The following FMO1 variants were observed in gnomAD, a reference collection of about 807,000 sequenced individuals.
FMO1 encodes flavin containing dimethylaniline monoxygenase 1.
Under a neutral mutation model 45.4 loss-of-function variants are expected in FMO1, and 36 were observed. That is an observed-to-expected ratio of 0.79 (90% CI 0.61 to 1.05). The LOEUF (loss-of-function observed/expected upper bound fraction) is 1.05, where lower values mean the gene tolerates loss of function less well. FMO1 is among the 50% of genes least tolerant of loss of function. FMO1 has a pLI of 0.00. For synonymous variants in FMO1, 228 were observed against 227.2 expected (o/e 1.00, Z -0.03); for missense variants, 615 against 640.3 (o/e 0.96, Z 0.43).
chr1:171,258,263 C>G (rs757096882), intron 2 of FMO1, 44 bp downstream of exon 2: 1 of 1,598,100 alleles, frequency 6.3e-7, no homozygotes. Context: ...TGGAGAATGG[C>G]TTGGCAGCTG....
chr1:171,283,860 GT>G (rs1661500151), intron 8 of FMO1, among the ~76,000 whole-genome samples: 1 of 152,184 alleles, frequency 6.6e-6, no homozygotes, highest in Non-Finnish European at 1.5e-5. Flanking sequence ...TTGTTTAGCA[GT>G]TGAGATAGAA....
At chr1:171,269,842 A>G (rs1044740137) in intron 3 of FMO1, among the ~76,000 whole-genome samples, 9 of 152,216 alleles carry the variant, frequency 5.9e-5, no homozygotes, top group African/African-American at 1.9e-4. Context: ...ATATAGGAAA[A>G]TATACGCTAT....
At position 171,278,727 on chromosome 1, in the gene FMO1, A is replaced by G; in HGVS notation, c.485-2A>G. 1 of 1,567,304 alleles carries G rather than the reference A, an allele frequency of 6.4e-7. No homozygotes were observed. Among genetic ancestry groups the G allele is most frequent in the Non-Finnish European group, 8.7e-7 (1 of 1,150,612 alleles). The stretch of plus-strand genomic sequence containing the variant: ...GTGTGACTTCTCTTTTATTTTCTAT[A>G]GGTATTAATGCCTTTAAAGGCCAGT... On this transcript the variant is annotated splice_acceptor_variant, in intron 4 of 8. Coordinates refer to ENST00000617670, the MANE Select transcript of FMO1 (RefSeq NM_001282693.2). LOFTEE classifies it high-confidence loss of function.
At chr1:171,285,101 A>G (rs925969449) in intron 8 of FMO1, 101 bp from the exon 9 acceptor site, 1 of 746,452 alleles carries the variant, frequency 1.3e-6, no homozygotes, top group African/African-American at 1.8e-5. Flanking sequence ...AAACCATCCC[A>G]AATTCTGCAG....
chr1:171,257,923 A>C (rs191198839), intron 1 of FMO1, 159 bp from the exon 2 acceptor site: 1 of 753,726 alleles, frequency 1.3e-6, no homozygotes, highest in Non-Finnish European at 2.1e-6. Context: ...AGTGACCTGA[A>C]CATTTTCCTT....
intron 2 of FMO1, among the ~76,000 whole-genome samples, chr1:171,260,815 A>G (rs1293065541): frequency 6.7e-6 from 1 of 149,472 alleles, no homozygotes; most frequent in Non-Finnish European, 1.5e-5. Flanking sequence ...CTGTAATCCC[A>G]GCTACTCAGG....
At chr1:171,274,183 A>G (rs1012967916) in intron 3 of FMO1, among the ~76,000 whole-genome samples, 1 of 149,856 alleles carries the variant, frequency 6.7e-6, no homozygotes, top group South Asian at 2.1e-4. Flanking sequence ...ACAAATAGCT[A>G]TTACTCAGCT....
At chr1:171,282,832 AC>A in intron 7 of FMO1, 1 of 298,182 alleles carries the variant, frequency 3.4e-6, no homozygotes, top group African/African-American at 2.2e-5. Context: ...CTGTCAGTTG[AC>A]TGAATCAACT....
intron 5 of FMO1, among the ~76,000 whole-genome samples, 162 bp downstream of exon 5, chr1:171,279,033 C>A (rs1661242938): frequency 6.6e-6 from 1 of 151,450 alleles, no homozygotes; most frequent in Non-Finnish European, 1.5e-5. Context: ...ACAAATTTTT[C>A]TATGAATTGC....
At chr1:171,271,261 T>C (rs1660851665) in intron 3 of FMO1, 1 of 1,122,310 alleles carries the variant, frequency 8.9e-7, no homozygotes, top group Non-Finnish European at 1.3e-6. Flanking sequence ...AATTTTTGGG[T>C]GATACTCAGA....
chr1:171,260,982 G>T (rs928630761), intron 2 of FMO1, among the ~76,000 whole-genome samples: 1 of 149,752 alleles, frequency 6.7e-6, no homozygotes, highest in Admixed American at 6.7e-5. Flanking sequence ...TTAGTAAGAG[G>T]AATATCAAGC....
At position 171,275,342 on chromosome 1, in the gene FMO1, T is replaced by A; in HGVS notation, c.322-4T>A. 1.2e-6 allele frequency: 2 copies of A among 1,613,064 alleles called. No individual in the cohort carries two copies. The highest frequency in any genetic ancestry group is 1.7e-6 in the Non-Finnish European group (2 of 1,179,442). ...GCTAATCATATCTGTGATTCTTTTT[T>A]CAGACCAAAGTCTGCAGTGTAACAA... On this transcript the variant is annotated splice_polypyrimidine_tract_variant and splice_region_variant and intron_variant, in intron 3 of 8. Transcript: ENST00000617670.
intron 3 of FMO1, 46 bp from the exon 4 acceptor site, chr1:171,275,300 A>G (rs996347980): frequency 2.1e-5 from 32 of 1,542,320 alleles, no homozygotes; most frequent in African/African-American, 2.7e-5. Context: ...CAAGTGCTTA[A>G]TGGAACATTG....
At position 171,278,856 on chromosome 1, in the gene FMO1, C is replaced by A; in HGVS notation, c.612C>A (p.Ser204Arg). Residue 204 changes from serine (S) to arginine (R), a missense_variant, in exon 5 of 9, where the codon AGC becomes AGA. Coordinates refer to ENST00000617670, the MANE Select transcript of FMO1 (RefSeq NM_001282693.2). ...NSGTDIAVEA[S>R]HLAEKVFLST... ...GCACAGACATTGCTGTGGAGGCCAG[C>A]CACCTGGCGGAAAAGGTACATTCCT... 1 of 1,610,714 alleles carries A rather than the reference C, an allele frequency of 6.2e-7. No individual in the cohort carries two copies. Among genetic ancestry groups the A allele is most frequent in the Non-Finnish European group, 8.5e-7 (1 of 1,177,904 alleles).
At position 171,282,337 on chromosome 1, in the gene FMO1, A is replaced by G; in HGVS notation, c.1183+4A>G. Reference sequence around the variant, plus strand: ...TGGGCTGTTCGAGTCCTGAAAGGTAAGTATAAGAAATAGCAGGGCATGTGT... The same window carrying G: ...TGGGCTGTTCGAGTCCTGAAAGGTAGGTATAAGAAATAGCAGGGCATGTGT... On this transcript the variant is annotated splice_donor_region_variant and intron_variant, in intron 7 of 8. Coordinates refer to ENST00000617670, the MANE Select transcript of FMO1 (RefSeq NM_001282693.2). 6.3e-7 allele frequency: 1 copy of G among 1,586,344 alleles called. No individual in the cohort carries two copies. Among genetic ancestry groups the G allele is most frequent in the Non-Finnish European group, 8.6e-7 (1 of 1,160,126 alleles).
At chr1:171,257,826 G>T in intron 1 of FMO1, 1 of 451,744 alleles carries the variant, frequency 2.2e-6, no homozygotes, top group African/African-American at 2.0e-5. Flanking sequence ...CAGCAGCTCT[G>T]CCAGAAGCTA....
chr1:171,267,191 G>A lies in FMO1; in HGVS notation c.133-352G>A, dbSNP rs1239451765. On this transcript the variant is annotated intron_variant, in intron 2 of 8. Coordinates refer to ENST00000617670, the MANE Select transcript of FMO1 (RefSeq NM_001282693.2). ...CCCAGCTCCCTCTAATTCACCTTTT[G>A]TAGAACGAGAGTTATCTTTCCAAAA... Among the ~76,000 whole-genome samples the A allele has an allele frequency of 2.0e-5, 3 of 152,156 alleles. No homozygotes were observed. In the East Asian group the frequency reaches 5.8e-4, roughly 29 times the overall value.
intron 3 of FMO1, among the ~76,000 whole-genome samples, chr1:171,268,833 G>A (rs1558010498): frequency 6.6e-6 from 1 of 152,238 alleles, no homozygotes; most frequent in African/African-American, 2.4e-5. Flanking sequence ...GTTTGGCTGT[G>A]TCGCCATCCA....
intron 3 of FMO1, among the ~76,000 whole-genome samples, chr1:171,267,965 T>C (rs1660686611): frequency 6.6e-6 from 1 of 152,268 alleles, no homozygotes; most frequent in African/African-American, 2.4e-5. Flanking sequence ...GCAATACTTA[T>C]ATCCAAGTAT....
Sources: allele counts gnomAD v4.1 joint callset (sites outside exome capture counted in the v4.1 genomes callset), GRCh38; gene constraint gnomAD v4.1.1; transcripts MANE v1.5; gene names NCBI Gene and HGNC (gene_info 2026-07-23, HGNC 2026-07-21).